Variants in C14orf39 observed in about 807,000 individuals in gnomAD.
C14orf39 encodes chromosome 14 open reading frame 39.
A neutral mutation model predicts 85.6 loss-of-function variants in C14orf39; 66 were observed. The ratio of observed to expected loss-of-function variants is 0.77; its 90% CI spans 0.63 to 0.95. The LOEUF is 0.95. Among genes scored for constraint, C14orf39 ranks in the 40% least tolerant of loss-of-function variants. C14orf39 has a pLI of 0.00. For synonymous variants in C14orf39, 242 were observed against 214.0 expected, an observed-to-expected ratio of 1.13 and a Z score of -1.14; for missense variants, 735 against 663.9, an observed-to-expected ratio of 1.11 and a Z score of -1.18.
At chr14:60,490,515 T>C (rs1209419829), upstream of C14orf39, among the ~76,000 whole-genome samples, 1 of 151,892 alleles carries the variant, frequency 6.6e-6, no homozygotes, top group Admixed American at 6.6e-5. Flanking sequence ...TCCTAACTAC[T>C]TGGGAGGCTG....
At chr14:60,492,427 T>A (rs1200568074) in intron 2 of C14orf39, among the ~76,000 whole-genome samples, 2 of 152,102 alleles carry the variant, frequency 1.3e-5, no homozygotes, top group Non-Finnish European at 2.9e-5. Flanking sequence ...CTGGGAATCC[T>A]TCAGTAGTTA....
chr14:60,453,234 G>T (rs1891118731), intron 16 of C14orf39, among the ~76,000 whole-genome samples: 2 of 151,942 alleles, frequency 1.3e-5, no homozygotes, highest in African/African-American at 4.8e-5. Context: ...GTATTTTGAA[G>T]CTGTTATTAG....
Position 60,461,584 on chromosome 14 carries a change from C to A in C14orf39, c.982G>T (p.Asp328Tyr). 2 of 1,543,640 alleles carry A rather than the reference C, an allele frequency of 1.3e-6. No homozygotes were observed. Among genetic ancestry groups the A allele is most frequent in the Non-Finnish European group, 1.7e-6 (2 of 1,150,226 alleles). Reference sequence around the variant, plus strand: ...TTTGAATGGTTATCCACAGCAGAGTCATTAAATATCTGAAAGAAAGAAATT... The same window carrying A: ...TTTGAATGGTTATCCACAGCAGAGTAATTAAATATCTGAAAGAAAGAAATT... ...QKENDTQIFN[D>Y]SAVDNHSKCS... The change falls in exon 12 of 18, where the codon GAC becomes TAC. Residue 328 changes from aspartate (D) to tyrosine (Y), a missense_variant. Transcript: ENST00000321731.
intron 2 of C14orf39, chr14:60,496,617 T>C (rs1234859504): frequency 6.3e-6 from 1 of 159,068 alleles, no homozygotes; most frequent in African/African-American, 2.4e-5. Flanking sequence ...GTACAATTTT[T>C]CTTATGTTTC....
intron 7 of C14orf39, among the ~76,000 whole-genome samples, chr14:60,470,296 T>C (rs1010155208): frequency 6.6e-6 from 1 of 151,812 alleles, no homozygotes. Flanking sequence ...TAAATTATAA[T>C]CCATTTAGGA....
At chr14:60,465,884 ACACACACAC>A in intron 11 of C14orf39, 86 bp downstream of exon 11, 2 of 479,224 alleles carry the variant, frequency 4.2e-6, no homozygotes, top group Non-Finnish European at 7.2e-6. Context: ...ACACACACAC[ACACACACAC>A]GTCTGTGTCT....
At chr14:60,511,171 C>A (rs1566691607) in intron 1 of C14orf39, 2 of 1,611,984 alleles carry the variant, frequency 1.2e-6, no homozygotes, top group Non-Finnish European at 1.7e-6. Flanking sequence ...GCGTCGCCAC[C>A]AGCCCGGCCG....
upstream of C14orf39, among the ~76,000 whole-genome samples, chr14:60,488,025 A>T (rs889246768): frequency 5.9e-5 from 9 of 152,142 alleles, no homozygotes; most frequent in African/African-American, 2.2e-4. Flanking sequence ...CTCTTATTAC[A>T]TTTGTTTATA....
At position 60,456,933 on chromosome 14, in the gene C14orf39, T is replaced by G. The variant is rs745638751; in HGVS notation, c.1342A>C (p.Thr448Pro). The change falls in exon 15 of 18, where the codon ACC (threonine) becomes CCC (proline). Residue 448 changes from threonine (T) to proline (P), a missense_variant. By Grantham distance (38) the Thr-to-Pro change is conservative. Coordinates refer to ENST00000321731, the MANE Select transcript of C14orf39 (RefSeq NM_174978.3). ...ESLEKIKFPKTPPFEINRNRN... is the reference protein window; with the variant it reads ...ESLEKIKFPKPPPFEINRNRN... Reference sequence around the variant, plus strand: ...AAATCCTACATTTCGAACGGGGGGGTTTTAGGGAATTTTATTTTCTCCAAT... The same window carrying G: ...AAATCCTACATTTCGAACGGGGGGGGTTTAGGGAATTTTATTTTCTCCAAT... 24 of 1,565,560 alleles carry G rather than the reference T, an allele frequency of 1.5e-5. No homozygotes were observed. Among genetic ancestry groups the G allele is most frequent in the South Asian group, 8.5e-5 (7 of 82,658 alleles).
At chr14:60,495,824 A>G in intron 2 of C14orf39, 1 of 294,110 alleles carries the variant, frequency 3.4e-6, no homozygotes, top group South Asian at 3.5e-5. Flanking sequence ...ATCCACCTTG[A>G]GGTGTTCCAT....
chr14:60,488,907 T>C (rs1892944259), upstream of C14orf39, among the ~76,000 whole-genome samples: 1 of 152,114 alleles, frequency 6.6e-6, no homozygotes, highest in Middle Eastern at 3.2e-3. Context: ...AAGACACTAC[T>C]CTCTTCTGGT....
At chr14:60,488,836 C>G (rs1034452406), upstream of C14orf39, among the ~76,000 whole-genome samples, 1 of 151,996 alleles carries the variant, frequency 6.6e-6, no homozygotes, top group Non-Finnish European at 1.5e-5. Flanking sequence ...TCCTCCCTTC[C>G]TTTTTTTCTT....
chr14:60,437,591 T>G (rs142672630), intron 17 of C14orf39, among the ~76,000 whole-genome samples: 10 of 151,886 alleles, frequency 6.6e-5, no homozygotes, highest in Non-Finnish European at 1.5e-4. Context: ...CAGGAGAGAA[T>G]AGGTATAAAG....
At chr14:60,491,009 C>G (rs1401146155), upstream of C14orf39, among the ~76,000 whole-genome samples, 1 of 152,070 alleles carries the variant, frequency 6.6e-6, no homozygotes, top group Non-Finnish European at 1.5e-5. This position sits in a 1 kb window ranked among gnomAD's most constrained non-coding sequence, Gnocchi z 4.5. Context: ...AAATACTTTC[C>G]AAACATAAGA....
intron 11 of C14orf39, among the ~76,000 whole-genome samples, chr14:60,462,219 T>C (rs1319499234): frequency 2.2e-5 from 3 of 137,504 alleles, no homozygotes; most frequent in South Asian, 2.4e-4. Flanking sequence ...TACAAAAAAT[T>C]AAAAAATTAG....
intron 1 of C14orf39, among the ~76,000 whole-genome samples, chr14:60,507,183 C>T (rs1157235284): frequency 6.6e-6 from 1 of 152,158 alleles, no homozygotes; most frequent in African/African-American, 2.4e-5. Flanking sequence ...AAAGTAACCA[C>T]CCCGAGAGGG....
intron 1 of C14orf39, among the ~76,000 whole-genome samples, chr14:60,503,559 G>A (rs1310603060): frequency 6.6e-6 from 1 of 152,040 alleles, no homozygotes; most frequent in Non-Finnish European, 1.5e-5. Context: ...GTGCAATATG[G>A]GTAATCATTT....
At chr14:60,503,100 A>G (rs1893165950) in intron 1 of C14orf39, among the ~76,000 whole-genome samples, 1 of 152,176 alleles carries the variant, frequency 6.6e-6, no homozygotes, top group Admixed American at 6.5e-5. Context: ...GCTTTACGAC[A>G]CCTCAAGTCC....
chr14:60,466,744 A>G (rs1161680741), intron 10 of C14orf39, among the ~76,000 whole-genome samples, 173 bp downstream of exon 10: 1 of 151,912 alleles, frequency 6.6e-6, no homozygotes, highest in Non-Finnish European at 1.5e-5. Flanking sequence ...AGTTACGTAT[A>G]GAAGACATAT....
Sources: gnomAD v4.1 joint callset for allele counts (sites outside exome capture counted in the v4.1 genomes callset) on GRCh38, gnomAD v4.1.1 for gene constraint, Gnocchi (gnomAD v3.1) non-coding constraint, MANE v1.5 for transcripts, NCBI Gene and HGNC (gene_info 2026-07-23, HGNC 2026-07-21) for gene names.